Variants in PDGFRL observed in about 807,000 individuals in gnomAD.
PDGFRL encodes the protein platelet derived growth factor receptor like, also known as platelet-derived growth factor receptor-like protein.
In PDGFRL, 46 loss-of-function variants were observed where a neutral mutation model predicts 37.2. The ratio of observed to expected loss-of-function variants is 1.24; its 90% CI spans 0.98 to 1.58. The LOEUF (loss-of-function observed/expected upper bound fraction) is 1.58, where lower values mean the gene tolerates loss of function less well. PDGFRL is among the 40% of genes most tolerant of loss of function. The pLI, the probability that PDGFRL is intolerant of heterozygous loss-of-function variation, is 0.00. For synonymous variants in PDGFRL, 251 were observed against 184.3 expected (o/e 1.36, Z -2.93); for missense variants, 692 against 467.6 (o/e 1.48, Z -4.43).
intron 1 of PDGFRL, among the ~76,000 whole-genome samples, chr8:17,588,824 C>T (rs1008644891): frequency 6.6e-6 from 1 of 152,240 alleles, no homozygotes; most frequent in Non-Finnish European, 1.5e-5. Context: ...CCTTGAATGG[C>T]TTCAGTTCTG....
At chr8:17,598,221 C>T (rs775575947) in intron 2 of PDGFRL, among the ~76,000 whole-genome samples, 11 of 152,202 alleles carry the variant, frequency 7.2e-5, no homozygotes, top group South Asian at 4.1e-4. Flanking sequence ...TTGAATCTTC[C>T]GTTTATTACT....
At chr8:17,614,161 AGAT>A (rs146375715) in intron 2 of PDGFRL, among the ~76,000 whole-genome samples, 1,689 of 152,326 alleles carry the variant, frequency 0.011, 36 homozygotes, top group African/African-American at 0.037. Context: ...ATAGATTGAT[AGAT>A]GATAGAGGAA....
chr8:17,607,412 A>C (rs969029662), intron 2 of PDGFRL, among the ~76,000 whole-genome samples: 1 of 152,220 alleles, frequency 6.6e-6, no homozygotes, highest in Non-Finnish European at 1.5e-5. Flanking sequence ...ATTTAAAAAA[A>C]CAACAAAAAA....
At chr8:17,579,596 C>G (rs1490609717) in intron 1 of PDGFRL, among the ~76,000 whole-genome samples, 1 of 144,778 alleles carries the variant, frequency 6.9e-6, no homozygotes, top group Non-Finnish European at 1.5e-5. Flanking sequence ...GAGATGGAGT[C>G]TTGCTATGTC....
At chr8:17,590,035 T>A (rs1803901603) in intron 2 of PDGFRL, among the ~76,000 whole-genome samples, 1 of 151,188 alleles carries the variant, frequency 6.6e-6, no homozygotes, top group Non-Finnish European at 1.5e-5. Flanking sequence ...ATCGAGGCTA[T>A]CCTGGCTAAC....
intron 2 of PDGFRL, among the ~76,000 whole-genome samples, chr8:17,608,539 C>T (rs1804334801): frequency 6.6e-6 from 1 of 152,136 alleles, no homozygotes; most frequent in East Asian, 1.9e-4. Context: ...ATACAAGAGC[C>T]GGAGGGGTGA....
intron 5 of PDGFRL, among the ~76,000 whole-genome samples, chr8:17,638,458 CT>C (rs1805017728): frequency 6.6e-6 from 1 of 151,754 alleles, no homozygotes; most frequent in Non-Finnish European, 1.5e-5. Flanking sequence ...TGTTTTGTGG[CT>C]TATGATATGG....
chr8:17,597,731 A>G (rs1585307754), intron 2 of PDGFRL, among the ~76,000 whole-genome samples: 2 of 152,158 alleles, frequency 1.3e-5, no homozygotes, highest in African/African-American at 4.8e-5. Flanking sequence ...GCAGAAATCC[A>G]TCTCTTCTTA....
At chr8:17,618,958 G>A (rs1270857281) in intron 2 of PDGFRL, among the ~76,000 whole-genome samples, 1 of 152,174 alleles carries the variant, frequency 6.6e-6, no homozygotes, top group Non-Finnish European at 1.5e-5. Flanking sequence ...TCCGTTCAGG[G>A]TAAGGGAGGC....
chr8:17,587,369 A>C lies in PDGFRL; in HGVS notation c.56-2099A>C, dbSNP rs546725427. On this transcript the variant is annotated intron_variant, in intron 1 of 5. Coordinates refer to ENST00000251630, the MANE Select transcript of PDGFRL (RefSeq NM_001372073.1). Reference sequence around the variant, plus strand: ...ATCAGACAAGTAGCTCTGTTTGTCTAAATTCCATAGGATTTACAGATGGTT... The same window carrying C: ...ATCAGACAAGTAGCTCTGTTTGTCTCAATTCCATAGGATTTACAGATGGTT... Among the ~76,000 whole-genome samples the C allele has an allele frequency of 2.0e-5, 3 of 152,328 alleles. No homozygotes were observed. In the South Asian group the frequency reaches 6.2e-4, roughly 32 times the overall value.
chr8:17,618,766 C>T (rs796352595), intron 2 of PDGFRL, among the ~76,000 whole-genome samples: 1 of 152,166 alleles, frequency 6.6e-6, no homozygotes, highest in African/African-American at 2.4e-5. Flanking sequence ...AGATTTGTTG[C>T]TTAGAGAATA....
chr8:17,627,056 G>A (rs1804748529), intron 3 of PDGFRL, among the ~76,000 whole-genome samples: 1 of 152,168 alleles, frequency 6.6e-6, no homozygotes, highest in African/African-American at 2.4e-5. Context: ...GGCTGTGTGA[G>A]GACAGGCTGA....
At chr8:17,589,845 A>G (rs1007552575) in intron 2 of PDGFRL, 80 bp downstream of exon 2, 5 of 825,594 alleles carry the variant, frequency 6.1e-6, no homozygotes, top group African/African-American at 1.7e-5. Context: ...ATTATTACAC[A>G]TTGTTTCTGA....
At chr8:17,627,956 C>G (rs1385366467) in intron 3 of PDGFRL, among the ~76,000 whole-genome samples, 2 of 145,732 alleles carry the variant, frequency 1.4e-5, no homozygotes, top group Admixed American at 1.4e-4. Context: ...GTCATCTGGG[C>G]TTGTACTGAT....
At chr8:17,605,063 G>C (rs1056893745) in intron 2 of PDGFRL, among the ~76,000 whole-genome samples, 2 of 152,198 alleles carry the variant, frequency 1.3e-5, no homozygotes, top group South Asian at 2.1e-4. Flanking sequence ...GCTGCAGTGA[G>C]CTGAGATCAT....
intron 1 of PDGFRL, among the ~76,000 whole-genome samples, chr8:17,586,103 C>T (rs1044370538): frequency 3.9e-5 from 6 of 152,098 alleles, no homozygotes; most frequent in Admixed American, 1.3e-4. Context: ...AGGCGTGTGC[C>T]GCCATGCCTG....
Position 17,638,767 on chromosome 8 carries a change from AT to A in PDGFRL, c.940-3845del, listed in dbSNP as rs1563532481. Among the ~76,000 whole-genome samples the A allele has an allele frequency of 2.4e-4, 28 of 118,194 alleles. 1 individual carries two copies. The South Asian group carries it at 3.3e-3, about 14-fold the overall frequency. The allele number at this position is 118,194 out of a possible 152,430, so 77.5% of individuals were successfully genotyped here. A position where few individuals can be genotyped will look rare whatever the true frequency, so the allele number is the denominator to read the frequency against. ...TATATATATATATATATATATATAT[AT>A]ATATATATATATATATATAATTGTG... On this transcript the variant is annotated intron_variant, in intron 5 of 5. Coordinates refer to ENST00000251630, the MANE Select transcript of PDGFRL (RefSeq NM_001372073.1).
intron 1 of PDGFRL, among the ~76,000 whole-genome samples, chr8:17,580,060 A>C (rs1803672799): frequency 6.6e-6 from 1 of 152,214 alleles, no homozygotes. Context: ...GAATGTCAGG[A>C]GCAAACACTG....
intron 2 of PDGFRL, among the ~76,000 whole-genome samples, chr8:17,591,193 T>C (rs1180565320): frequency 6.6e-6 from 1 of 152,172 alleles, no homozygotes; most frequent in African/African-American, 2.4e-5. Context: ...CTTCTGATTA[T>C]TTTGATGTTC....
Sources: gnomAD v4.1 joint callset for allele counts (sites outside exome capture counted in the v4.1 genomes callset) on GRCh38, gnomAD v4.1.1 for gene constraint, MANE v1.5 for transcripts, NCBI Gene and HGNC (gene_info 2026-07-23, HGNC 2026-07-21) for gene names.